The following NEK1 variants were observed in gnomAD, a reference collection of about 807,000 sequenced individuals.
NEK1 encodes the protein serine/threonine-protein kinase Nek1.
NEK1 carries 137 observed loss-of-function variants against 182.1 expected under a neutral mutation model. The observed-to-expected ratio is 0.75, with a 90% CI of 0.65 to 0.87. The LOEUF is 0.87. NEK1 is among the 40% of genes least tolerant of loss of function. The probability of loss-of-function intolerance (pLI) is 0.00; values close to 1 mark genes in which losing one functional copy is unlikely to be tolerated. For synonymous variants in NEK1, 513 were observed against 492.2 expected, an observed-to-expected ratio of 1.04 and a Z score of -0.56; for missense variants, 1,391 against 1,494.4, an observed-to-expected ratio of 0.93 and a Z score of 1.14.
intron 27 of NEK1, among the ~76,000 whole-genome samples, chr4:169,445,621 T>C (rs1402652294): frequency 6.6e-6 from 1 of 151,474 alleles, no homozygotes; most frequent in Non-Finnish European, 1.5e-5. Flanking sequence ...ACCTAAATAA[T>C]TGGTACACAT....
chr4:169,424,115 T>C (rs376498782), intron 31 of NEK1, among the ~76,000 whole-genome samples: 2 of 152,156 alleles, frequency 1.3e-5, no homozygotes, highest in African/African-American at 4.8e-5. Context: ...TATTCAAAAA[T>C]AGCAAGTGAG....
chr4:169,414,103 A>T (rs1734118630), intron 31 of NEK1, among the ~76,000 whole-genome samples: 1 of 152,242 alleles, frequency 6.6e-6, no homozygotes, highest in East Asian at 1.9e-4. Flanking sequence ...TACTATTCAT[A>T]CTATTAGCCA....
At position 169,555,970 on chromosome 4, in the gene NEK1, T is replaced by A; in HGVS notation, c.1392A>T (p.Lys464Asn). The A allele has an allele frequency of 6.2e-7, 1 of 1,613,796 alleles. No homozygotes were observed. The highest frequency in any genetic ancestry group is 8.5e-7 in the Non-Finnish European group (1 of 1,179,808). ...QQQRAEDNEA[K>N]WKREIYGRGL... ...CTCGACCATATATTTCTCTTTTCCA[T>A]TTAGCTTCATTATCTTCTGCTCTTT... Residue 464 changes from lysine (K) to asparagine (N), a missense_variant, in exon 17 of 36, where the codon AAA becomes AAT. Around this residue, in one of 5 missense-constraint regions of NEK1, gnomAD observed 1,216 missense variants for 1,277.6 expected, o/e 0.95. Transcript: ENST00000507142.
At chr4:169,527,914 A>G (rs1386333801) in intron 19 of NEK1, among the ~76,000 whole-genome samples, 3 of 152,150 alleles carry the variant, frequency 2.0e-5, no homozygotes, top group Non-Finnish European at 4.4e-5. Flanking sequence ...AAACACATAA[A>G]AAAACTATAA....
intron 19 of NEK1, among the ~76,000 whole-genome samples, chr4:169,532,925 A>C (rs995034822): frequency 1.3e-5 from 2 of 152,082 alleles, no homozygotes; most frequent in Non-Finnish European, 2.9e-5. Context: ...GTAGAAAGAA[A>C]GGAAAGGAAA....
At chr4:169,554,536 C>T (rs1205380813) in intron 18 of NEK1, 1 of 150,856 alleles carries the variant, frequency 6.6e-6, no homozygotes, top group Non-Finnish European at 1.5e-5. Flanking sequence ...ACCTTAAATG[C>T]ATATTAGTAA....
rs1237824437 is a variant in NEK1 at position 169,588,637 on chromosome 4, C to A, written c.551+12G>T. The A allele has an allele frequency of 3.4e-6, 5 of 1,469,216 alleles. No homozygotes were observed. Among genetic ancestry groups the A allele is most frequent in the South Asian group, 1.2e-5 (1 of 80,670 alleles). 91.0% of individuals were successfully genotyped at this position (1,469,216 alleles called of 1,614,324 possible). On this transcript the variant is annotated intron_variant, in intron 8 of 35. Transcript: ENST00000507142. The stretch of plus-strand genomic sequence containing the variant: ...AGCAAATACATCACATAATGAATAT[C>A]ATTTTAAATACCTTTTATTATTGTA...
At chr4:169,515,624 G>A (rs1286747824) in intron 19 of NEK1, among the ~76,000 whole-genome samples, 2 of 118,214 alleles carry the variant, frequency 1.7e-5, no homozygotes, top group Non-Finnish European at 3.5e-5. Flanking sequence ...CTAGCATTAG[G>A]TATATCTCCC....
chr4:169,537,880 T>C lies in NEK1; in HGVS notation c.1594A>G (p.Lys532Glu). The change falls in exon 19 of 36, where the codon AAA (lysine) becomes GAA (glutamate). Residue 532 changes from lysine to glutamate, a missense_variant. By Grantham distance (56) the Lys-to-Glu change is moderately conservative (BLOSUM62 1). Around this residue, in one of 5 missense-constraint regions of NEK1, gnomAD observed 1,216 missense variants for 1,277.6 expected, o/e 0.95. Coordinates refer to ENST00000507142, the MANE Select transcript of NEK1 (RefSeq NM_001199397.3). ...QKGQLAVERA[K>E]QVEEFLQRKR... Reference sequence around the variant, plus strand: ...CGCTGCAGGAACTCTTCTACTTGTTTAGCTCTTTCTACAGCTAGCTGCCCT... The same window carrying C: ...CGCTGCAGGAACTCTTCTACTTGTTCAGCTCTTTCTACAGCTAGCTGCCCT... 1 of 1,608,374 alleles carries C rather than the reference T, an allele frequency of 6.2e-7. No homozygotes were observed. Among genetic ancestry groups the C allele is most frequent in the Non-Finnish European group, 8.5e-7 (1 of 1,176,906 alleles).
At chr4:169,399,163 T>A (rs939311807) in intron 35 of NEK1, among the ~76,000 whole-genome samples, 75 of 152,154 alleles carry the variant, frequency 4.9e-4, no homozygotes, top group African/African-American at 1.7e-3. Context: ...GAGAATCACT[T>A]GAACCCAGGA....
At chr4:169,555,501 C>T (rs894366246) in intron 18 of NEK1, 2 of 541,066 alleles carry the variant, frequency 3.7e-6, no homozygotes, top group East Asian at 6.8e-5. Flanking sequence ...AGTCTAAACC[C>T]ACAAACAAGA....
At chr4:169,611,783 T>G (rs748970889) in intron 2 of NEK1, among the ~76,000 whole-genome samples, 5 of 152,202 alleles carry the variant, frequency 3.3e-5, no homozygotes, top group Non-Finnish European at 5.9e-5. Context: ...CATACTAAGA[T>G]TCCTATTATT....
chr4:169,485,851 G>A (rs569893175), intron 23 of NEK1, among the ~76,000 whole-genome samples: 2 of 152,110 alleles, frequency 1.3e-5, no homozygotes, highest in Admixed American at 1.3e-4. Context: ...TAGAAATGGA[G>A]TCTCACCAGA....
intron 23 of NEK1, among the ~76,000 whole-genome samples, chr4:169,487,256 C>T (rs758585511): frequency 6.6e-6 from 1 of 152,074 alleles, no homozygotes; most frequent in Non-Finnish European, 1.5e-5. Context: ...CACAGATCAA[C>T]TCATCACCCA....
chr4:169,548,274 G>A (rs1450312968), intron 18 of NEK1, among the ~76,000 whole-genome samples: 3 of 152,194 alleles, frequency 2.0e-5, no homozygotes, highest in Non-Finnish European at 4.4e-5. Flanking sequence ...GACTGTGTTC[G>A]CCTGGGTATC....
intron 18 of NEK1, among the ~76,000 whole-genome samples, chr4:169,541,392 T>G (rs999229814): frequency 1.1e-4 from 17 of 152,040 alleles, no homozygotes; most frequent in African/African-American, 3.6e-4. Context: ...CTTATAATAT[T>G]AAAAATCCTA....
At chr4:169,434,708 A>T (rs1175734296) in intron 28 of NEK1, among the ~76,000 whole-genome samples, 1 of 152,192 alleles carries the variant, frequency 6.6e-6, no homozygotes, top group Admixed American at 6.5e-5. Flanking sequence ...GAATACAGAC[A>T]TACTTCTCCA....
At chr4:169,532,782 A>G (rs1757872658) in intron 19 of NEK1, among the ~76,000 whole-genome samples, 1 of 57,916 alleles carries the variant, frequency 1.7e-5, no homozygotes, top group Non-Finnish European at 3.4e-5. Context: ...TCTACTGAAA[A>G]AAAAAATATG....
At chr4:169,534,414 T>C (rs561432136) in intron 19 of NEK1, among the ~76,000 whole-genome samples, 8 of 152,112 alleles carry the variant, frequency 5.3e-5, no homozygotes, top group Non-Finnish European at 1.0e-4. Context: ...CATTCAGACC[T>C]TGGAAAATTG....
Sources: gnomAD v4.1 joint callset for allele counts (sites outside exome capture counted in the v4.1 genomes callset) on GRCh38, gnomAD v4.1.1 for gene constraint, gnomAD v4.1.1 regional missense constraint, MANE v1.5 for transcripts, NCBI Gene and HGNC (gene_info 2026-07-23, HGNC 2026-07-21) for gene names.